Variants in PAF1 observed in about 807,000 individuals in gnomAD.
PAF1 encodes the protein RNA polymerase II-associated factor 1 homolog.
Under a neutral mutation model 68.4 loss-of-function variants are expected in PAF1, and 31 were observed. That is an observed-to-expected ratio of 0.45 (90% CI 0.34 to 0.61). The LOEUF (loss-of-function observed/expected upper bound fraction) is 0.61, where lower values mean the gene tolerates loss of function less well. Ranked by LOEUF, PAF1 falls within the 20% of genes least tolerant of loss-of-function variation. The pLI is 0.01. For missense variants in PAF1, 435 were observed against 692.9 expected (o/e 0.63, Z 4.18); for synonymous variants, 256 against 240.5 (o/e 1.06, Z -0.60).
At position 39,390,027 on chromosome 19, in the gene PAF1, A is replaced by G. The variant is rs760897130; in HGVS notation, c.170+42T>C. On this transcript the variant is annotated intron_variant, in intron 3 of 13. Coordinates refer to ENST00000221265, the MANE Select transcript of PAF1 (RefSeq NM_019088.4). ...ACGAGACAAGCAGTCCCTGCCTTCA[A>G]GGAACTCATACCTGAGTAGTTTTCC... 37 of 1,499,590 alleles carry G rather than the reference A, an allele frequency of 2.5e-5. No homozygotes were observed. The East Asian group carries it at 7.2e-4, about 29-fold the overall frequency. The allele number at this position is 1,499,590 out of a possible 1,614,324, so 92.9% of individuals were successfully genotyped here. A position where few individuals can be genotyped will look rare whatever the true frequency, so the allele number is the denominator to read the frequency against.
rs184761036 is a variant in PAF1 at position 39,386,685 on chromosome 19, G to T, written c.1092+9C>A. The T allele has an allele frequency of 4.0e-4, 640 of 1,609,296 alleles. 3 individuals carry two copies. The African/African-American group carries it at 7.0e-3, about 18-fold the overall frequency. On this transcript the variant is annotated intron_variant, in intron 12 of 13. Coordinates refer to ENST00000221265, the MANE Select transcript of PAF1 (RefSeq NM_019088.4). The surrounding 1 kb of genome is among the most constrained non-coding windows in gnomAD (Gnocchi z 6.1). ...GCCATGGGTGCCCTGAGCCAGTGGT[G>T]CTTGTTACCTGAGCTTCCAGTTCCT...
intron 1 of PAF1, 34 bp from the exon 2 acceptor site, chr19:39,390,323 G>T: frequency 6.3e-7 from 1 of 1,594,038 alleles, no homozygotes. Flanking sequence ...GATAGGTGGA[G>T]AGGACGGGAT....
chr19:39,391,024 C>T lies in PAF1; in HGVS notation c.-160G>A. ...AGATGAGGTGGGCGGGCGAGAAGAG[C>T]TCCAGCGAGACTCAGGTGAACGCGC... On this transcript the variant is annotated 5_prime_UTR_variant, in exon 1 of 14. Transcript: ENST00000221265. The T allele has an allele frequency of 1.4e-6, 1 of 701,744 alleles. No individual in the cohort carries two copies. The highest frequency in any genetic ancestry group is 2.3e-6 in the Non-Finnish European group (1 of 427,386). The allele number at this position is 701,744 out of a possible 1,614,324, so 43.5% of individuals were successfully genotyped here. A position where few individuals can be genotyped will look rare whatever the true frequency, so the allele number is the denominator to read the frequency against.
chr19:39,389,576 T>G lies in PAF1; in HGVS notation c.293-30A>C. 1 of 1,614,050 alleles carries G rather than the reference T, an allele frequency of 6.2e-7. No individual in the cohort carries two copies. Among genetic ancestry groups the G allele is most frequent in the Non-Finnish European group, 8.5e-7 (1 of 1,179,954 alleles). On this transcript the variant is annotated intron_variant, in intron 4 of 13. Transcript: ENST00000221265. The surrounding 1 kb of genome is among the most constrained non-coding windows in gnomAD (Gnocchi z 5.3). The stretch of plus-strand genomic sequence containing the variant: ...AGGAGAGCGGGGGGCAGGAGGACCA[T>G]GAGGGAGGCCCAGGCCTGAGCCTTT...
At chr19:39,388,507 A>ATCCCAATCCCCAAAACT (rs773412321) in intron 10 of PAF1, 40 bp from the exon 11 acceptor site, 1 of 1,614,052 alleles carries the variant, frequency 6.2e-7, no homozygotes, top group Non-Finnish European at 8.5e-7. Flanking sequence ...TTTCTTCCCT[A>ATCCCAATCCCCAAAACT]TCCCAATCCC....
In PAF1 at chr19:39,388,869, G is replaced by A. The variant is rs376072037; in HGVS notation, c.637-4C>T. The A allele has an allele frequency of 5.7e-5, 92 of 1,613,114 alleles. 1 individual carries two copies. The African/African-American group carries it at 1.1e-3, about 20-fold the overall frequency. ...GAGCACATGGATTGATCCACATCTA[G>A]GGAGATGGAGGCACTGGGGTTAGAT... On this transcript the variant is annotated splice_region_variant and splice_polypyrimidine_tract_variant and intron_variant, in intron 8 of 13. Transcript: ENST00000221265.
Position 39,389,931 on chromosome 19 carries a change from A to C in PAF1, c.170+138T>G. ...AAGGGACTTGGACACTGCTTGCTCC[A>C]TTAACAATTGAGCAGCTACTACTAT... On this transcript the variant is annotated intron_variant, in intron 3 of 13. Transcript: ENST00000221265. The surrounding 1 kb of genome is among the most constrained non-coding windows in gnomAD (Gnocchi z 5.3). 1 of 1,088,272 alleles carries C rather than the reference A, an allele frequency of 9.2e-7. No individual in the cohort carries two copies. Among genetic ancestry groups the C allele is most frequent in the Non-Finnish European group, 1.4e-6 (1 of 718,240 alleles). 67.4% of individuals were successfully genotyped at this position (1,088,272 alleles called of 1,614,324 possible).
chr19:39,387,732 A>G (rs1217893695), intron 11 of PAF1, among the ~76,000 whole-genome samples: 1 of 152,212 alleles, frequency 6.6e-6, no homozygotes, highest in African/African-American at 2.4e-5. Context: ...ATTCATGCTA[A>G]TTTTATATAT....
Position 39,388,209 on chromosome 19 carries a change from TCTG to T in PAF1, c.986+127_986+129del, listed in dbSNP as rs2078295655. 3 of 853,796 alleles carry T rather than the reference TCTG, an allele frequency of 3.5e-6. No homozygotes were observed. The South Asian group carries it at 4.9e-5, about 14-fold the overall frequency. 52.9% of individuals were successfully genotyped at this position (853,796 alleles called of 1,614,324 possible). A position where few individuals can be genotyped will look rare whatever the true frequency, so the allele number is the denominator to read the frequency against. ...TCCAGCTCATGTGCATGACCAGACA[TCTG>T]CTGCTCTTGTTTACCAATGCATATG... On this transcript the variant is annotated intron_variant, in intron 11 of 13. Transcript: ENST00000221265.
chr19:39,388,993 G>A lies in PAF1; in HGVS notation c.590C>T (p.Pro197Leu). The change falls in exon 8 of 14, where the codon CCC becomes CTC. Residue 197 changes from proline (P) to leucine (L), a missense_variant. By Grantham distance (98) the Pro-to-Leu change is moderately conservative (BLOSUM62 -3). Around this residue, in one of 7 missense-constraint regions of PAF1, gnomAD observed 151 missense variants for 306.3 expected, o/e 0.49. Coordinates refer to ENST00000221265, the MANE Select transcript of PAF1 (RefSeq NM_019088.4). ...QKSISQHYSK[P>L]RVTPVEVMPV... ...CATGACCTCCACCGGTGTGACTCGG[G>A]GTTTGCTGTAATGCTGTGAGATCTG... is the stretch of plus-strand genomic sequence containing the variant. The A allele has an allele frequency of 1.9e-6, 3 of 1,614,128 alleles. No homozygotes were observed. The highest frequency in any genetic ancestry group is 2.5e-6 in the Non-Finnish European group (3 of 1,180,004).
In PAF1 at chr19:39,389,813, C is replaced by T; in HGVS notation, c.171-52G>A. 6.2e-7 allele frequency: 1 copy of T among 1,611,772 alleles called. No individual in the cohort carries two copies. Among genetic ancestry groups the T allele is most frequent in the Non-Finnish European group, 8.5e-7 (1 of 1,178,840 alleles). On this transcript the variant is annotated intron_variant, in intron 3 of 13. Transcript: ENST00000221265. This position sits in a 1 kb window ranked among gnomAD's most constrained non-coding sequence, Gnocchi z 5.3. The stretch of plus-strand genomic sequence containing the variant: ...GTTTGGATTCCAGCTTCACCCCTCA[C>T]AGCCCTGCTTCCCAGAGGCGGAGCT...
At chr19:39,387,810 C>T (rs1477263433) in intron 11 of PAF1, among the ~76,000 whole-genome samples, 1 of 152,242 alleles carries the variant, frequency 6.6e-6, no homozygotes, top group Non-Finnish European at 1.5e-5. Context: ...ACTTGGCCCT[C>T]TGCCTTGCGC....
intron 1 of PAF1, 121 bp downstream of exon 1, chr19:39,390,697 C>G: frequency 9.5e-7 from 1 of 1,050,012 alleles, no homozygotes; most frequent in Non-Finnish European, 1.4e-6. Flanking sequence ...GGAACCCGCC[C>G]CCTTCGTCAA....
At position 39,389,667 on chromosome 19, in the gene PAF1, G is replaced by C; in HGVS notation, c.265C>G (p.Pro89Ala). The C allele has an allele frequency of 6.2e-7, 1 of 1,614,216 alleles. No individual in the cohort carries two copies. Among genetic ancestry groups the C allele is most frequent in the Non-Finnish European group, 8.5e-7 (1 of 1,180,036 alleles). The change falls in exon 4 of 14, where the codon CCT (proline) becomes GCT (alanine). Residue 89 changes from proline to alanine, a missense_variant. Around this residue, in one of 7 missense-constraint regions of PAF1, gnomAD observed 77 missense variants for 118.2 expected, o/e 0.65. Transcript: ENST00000221265. This position sits in a 1 kb window ranked among gnomAD's most constrained non-coding sequence, Gnocchi z 5.3. ...DLGVTIDLIN[P>A]DTYRIDPNVL... ...TTGGGGTCGATGCGGTAGGTGTCAG[G>C]ATTGATGAGATCGATGGTGACCCCC...
intron 11 of PAF1, among the ~76,000 whole-genome samples, chr19:39,387,783 G>C (rs1341542333): frequency 6.6e-6 from 1 of 152,222 alleles, no homozygotes; most frequent in Non-Finnish European, 1.5e-5. Flanking sequence ...CATGAAGTCT[G>C]TTACTAATAC....
At chr19:39,388,245 C>T (rs2078296230) in intron 11 of PAF1, 94 bp downstream of exon 11, 2 of 1,259,120 alleles carry the variant, frequency 1.6e-6, no homozygotes, top group Non-Finnish European at 1.1e-6. Flanking sequence ...ATGACAAATT[C>T]TTAGGTACAA....
rs1290520797 is a variant in PAF1 at position 39,386,204 on chromosome 19, CTCAGAA to C, written c.1377_1382del (p.Asp459_Ser460del). On this transcript the variant is annotated inframe_deletion, in exon 14 of 14. Transcript: ENST00000221265. This position sits in a 1 kb window ranked among gnomAD's most constrained non-coding sequence, Gnocchi z 6.1. ...CCTCATCATCAGAGTCGGCATCGTCCTCAGAATCAGCATCACTGCCAAAGATCTCCT... is the reference window on the plus strand; with the variant it reads ...CCTCATCATCAGAGTCGGCATCGTCCTCAGCATCACTGCCAAAGATCTCCT... The C allele has an allele frequency of 9.9e-6, 16 of 1,614,032 alleles. No homozygotes were observed.
At chr19:39,390,328 C>G in intron 1 of PAF1, 39 bp from the exon 2 acceptor site, 1 of 1,583,992 alleles carries the variant, frequency 6.3e-7, no homozygotes, top group African/African-American at 1.3e-5. Flanking sequence ...GTGGAGAGGA[C>G]GGGATTGACA....
intron 1 of PAF1, 51 bp from the exon 2 acceptor site, chr19:39,390,340 G>T (rs1421664739): frequency 1.3e-5 from 21 of 1,557,680 alleles, no homozygotes; most frequent in Non-Finnish European, 1.8e-5. Flanking sequence ...GGATTGACAG[G>T]AGAATGAAAA....
Sources: allele counts gnomAD v4.1 joint callset (sites outside exome capture counted in the v4.1 genomes callset), GRCh38; gene constraint gnomAD v4.1.1; regional missense constraint gnomAD v4.1.1; non-coding constraint Gnocchi (gnomAD v3.1); transcripts MANE v1.5; gene names NCBI Gene and HGNC (gene_info 2026-07-23, HGNC 2026-07-21).